TRAPPC9: variants seen among roughly 807,000 people sequenced by gnomAD.
TRAPPC9 encodes IKK2 binding protein.
A neutral mutation model predicts 124.0 loss-of-function variants in TRAPPC9; 83 were observed. The ratio of observed to expected loss-of-function variants is 0.67; its 90% CI spans 0.56 to 0.80. TRAPPC9 has a LOEUF of 0.80. Ranked by LOEUF, TRAPPC9 falls within the 30% of genes least tolerant of loss-of-function variation. TRAPPC9 has a pLI of 0.00. For missense variants in TRAPPC9, 1,302 were observed against 1,508.3 expected (o/e 0.86, Z 2.27); for synonymous variants, 638 against 617.5 (o/e 1.03, Z -0.49).
chr8:139,844,481 G>A (rs914701359), intron 21 of TRAPPC9, among the ~76,000 whole-genome samples: 1 of 152,252 alleles, frequency 6.6e-6, no homozygotes, highest in African/African-American at 2.4e-5. Flanking sequence ...ACAACGGAGG[G>A]GCCGTTAATT....
chr8:140,410,552 CA>C (rs1050359988), intron 5 of TRAPPC9, among the ~76,000 whole-genome samples: 2 of 149,408 alleles, frequency 1.3e-5, no homozygotes, highest in African/African-American at 2.5e-5. Flanking sequence ...AAAACAACAA[CA>C]AAAAAAAAGG....
In TRAPPC9 at chr8:140,272,130, C is replaced by CGATGATGATGGTGGCGATGGT. The variant is rs2064930084; in HGVS notation, c.2278+3527_2278+3528insACCATCGCCACCATCATCATC. The stretch of plus-strand genomic sequence containing the variant: ...GTGGTGGTGGCAATGGTGATGGTGG[C>CGATGATGATGGTGGCGATGGT]GATGGTGATGGTGATGGTGGTAGCA... On this transcript the variant is annotated intron_variant, in intron 15 of 22. Transcript: ENST00000438773. Among the ~76,000 whole-genome samples, 132 of 100,378 alleles carry CGATGATGATGGTGGCGATGGT rather than the reference C, an allele frequency of 1.3e-3. 1 individual carries two copies. Among genetic ancestry groups the CGATGATGATGGTGGCGATGGT allele is most frequent in the African/African-American group, 4.2e-3 (123 of 29,202 alleles). The allele number at this position is 100,378 out of a possible 152,430, so 65.9% of individuals were successfully genotyped here.
At chr8:140,352,212 G>T (rs1221312754) in intron 9 of TRAPPC9, among the ~76,000 whole-genome samples, 1 of 152,242 alleles carries the variant, frequency 6.6e-6, no homozygotes. Context: ...CACTTGTGGT[G>T]TGGCTGCACA....
chr8:140,226,285 A>G (rs1290273486), intron 16 of TRAPPC9, among the ~76,000 whole-genome samples: 1 of 152,156 alleles, frequency 6.6e-6, no homozygotes, highest in Non-Finnish European at 1.5e-5. Flanking sequence ...TCTTCCTCTG[A>G]ATCACGTTAT....
intron 17 of TRAPPC9, among the ~76,000 whole-genome samples, chr8:140,075,229 G>A (rs562907979): frequency 6.6e-6 from 1 of 152,308 alleles, no homozygotes; most frequent in South Asian, 2.1e-4. Context: ...TACCACACTA[G>A]ACTGTCTTGG....
At chr8:140,364,767 C>T (rs1023584827) in intron 8 of TRAPPC9, among the ~76,000 whole-genome samples, 4 of 151,860 alleles carry the variant, frequency 2.6e-5, no homozygotes, top group Non-Finnish European at 5.9e-5. Context: ...TTTTTTAGTA[C>T]AGACGGGTTG....
chr8:140,049,686 C>T (rs1841856893), intron 17 of TRAPPC9, among the ~76,000 whole-genome samples: 1 of 152,178 alleles, frequency 6.6e-6, no homozygotes, highest in Non-Finnish European at 1.5e-5. Flanking sequence ...CCTGTCCAAA[C>T]ACCAAACCCT....
intron 16 of TRAPPC9, among the ~76,000 whole-genome samples, chr8:140,236,607 T>C (rs1383739120): frequency 2.0e-5 from 3 of 152,182 alleles, no homozygotes; most frequent in Non-Finnish European, 4.4e-5. Flanking sequence ...CATTACTGTA[T>C]GTAAGTTACA....
intron 17 of TRAPPC9, among the ~76,000 whole-genome samples, chr8:140,079,574 TG>T (rs1456678856): frequency 6.6e-6 from 1 of 152,178 alleles, no homozygotes; most frequent in Non-Finnish European, 1.5e-5. Flanking sequence ...CCTGGACTAT[TG>T]TTCTCCCCAC....
chr8:139,843,646 G>A (rs948199390), intron 21 of TRAPPC9, among the ~76,000 whole-genome samples: 30 of 152,318 alleles, frequency 2.0e-4, no homozygotes, highest in Middle Eastern at 3.4e-3. Context: ...CAGGGAGGGG[G>A]CATCAAGAGA....
At chr8:140,140,246 C>G (rs945514025) in intron 17 of TRAPPC9, among the ~76,000 whole-genome samples, 1 of 152,180 alleles carries the variant, frequency 6.6e-6, no homozygotes, top group Admixed American at 6.5e-5. Context: ...ATCCCAGCTC[C>G]CAGTGGCAGC....
chr8:140,197,602 T>C (rs2062698894), intron 17 of TRAPPC9, among the ~76,000 whole-genome samples: 1 of 152,194 alleles, frequency 6.6e-6, no homozygotes, highest in Non-Finnish European at 1.5e-5. Context: ...AATACAGTGA[T>C]GTGGGTTTTA....
chr8:140,380,380 A>G (rs1440781499), intron 7 of TRAPPC9, among the ~76,000 whole-genome samples: 1 of 152,190 alleles, frequency 6.6e-6, no homozygotes, highest in Non-Finnish European at 1.5e-5. Context: ...TAGCCCTGGC[A>G]TGGCGGCTCA....
intron 17 of TRAPPC9, among the ~76,000 whole-genome samples, chr8:140,128,969 T>TAA (rs139243477): frequency 0.25 from 35,413 of 140,152 alleles, 4,935 homozygotes; most frequent in African/African-American, 0.31. Flanking sequence ...TAAACTATAA[T>TAA]AAAATATATA....
intron 19 of TRAPPC9, among the ~76,000 whole-genome samples, chr8:139,970,155 G>A (rs1387031641): frequency 6.6e-6 from 1 of 152,188 alleles, no homozygotes. Context: ...ATGTAAGGCT[G>A]AAGGGAAGCA....
chr8:139,731,999 T>C lies in TRAPPC9; in HGVS notation c.3259A>G (p.Ser1087Gly). ...CGCACCGCGTCGAGGTAGAAGGTGC[T>C]GGAGCCCACGAAGGAGACGGTGTCG... ...LHDTVSFVGS[S>G]TFYLDAVQPS... The change falls in exon 22 of 23, where the codon AGC becomes GGC. Residue 1087 changes from serine (S) to glycine (G), a missense_variant. Coordinates refer to ENST00000438773, the MANE Select transcript of TRAPPC9 (RefSeq NM_001160372.4). The C allele has an allele frequency of 6.3e-7, 1 of 1,590,298 alleles. No individual in the cohort carries two copies. Among genetic ancestry groups the C allele is most frequent in the Non-Finnish European group, 8.6e-7 (1 of 1,168,056 alleles).
intron 17 of TRAPPC9, among the ~76,000 whole-genome samples, chr8:140,160,651 G>T (rs2061734159): frequency 6.6e-6 from 1 of 151,666 alleles, no homozygotes; most frequent in South Asian, 2.1e-4. Flanking sequence ...GTCGGGGGGT[G>T]GGGGGCTGGG....
At chr8:140,310,281 C>A (rs910184172) in intron 10 of TRAPPC9, among the ~76,000 whole-genome samples, 5 of 152,038 alleles carry the variant, frequency 3.3e-5, no homozygotes, top group Non-Finnish European at 7.4e-5. Context: ...ATGCAGCAGG[C>A]CCGTGAGTCA....
At position 140,002,753 on chromosome 8, in the gene TRAPPC9, C is replaced by T. The variant is rs183115826; in HGVS notation, c.2700-13917G>A. ...CCAGAAATAGAATTACACACAGATA[C>T]AGTCATTTTATTTTTGACTAAGAAG... On this transcript the variant is annotated intron_variant, in intron 18 of 22. Transcript: ENST00000438773. 2.3e-3 allele frequency among the ~76,000 whole-genome samples: 333 copies of T among 142,340 alleles called. 1 individual carries two copies. The highest frequency in any genetic ancestry group is 8.0e-3 in the African/African-American group (309 of 38,548). 93.4% of individuals were successfully genotyped at this position (142,340 alleles called of 152,430 possible).
Sources: gnomAD v4.1 joint callset for allele counts (sites outside exome capture counted in the v4.1 genomes callset) on GRCh38, gnomAD v4.1.1 for gene constraint, MANE v1.5 for transcripts, NCBI Gene and HGNC (gene_info 2026-07-23, HGNC 2026-07-21) for gene names.